Variants in PLG observed in about 807,000 individuals in gnomAD.
PLG encodes plasminogen.
Under a neutral mutation model 104.4 loss-of-function variants are expected in PLG, and 41 were observed. The observed-to-expected ratio is 0.39, with a 90% CI of 0.31 to 0.51. PLG has a LOEUF of 0.51. Ranked by LOEUF, PLG falls within the 20% of genes least tolerant of loss-of-function variation. The pLI is 0.76. For missense variants in PLG, 891 were observed against 1,003.6 expected, an observed-to-expected ratio of 0.89 and a Z score of 1.52; for synonymous variants, 337 against 357.1, an observed-to-expected ratio of 0.94 and a Z score of 0.63.
At chr6:160,706,596 A>C (rs547042354) in intron 2 of PLG, 54 bp downstream of exon 2, 2 of 1,523,630 alleles carry the variant, frequency 1.3e-6, no homozygotes, top group African/African-American at 2.7e-5. Context: ...GATGGCAAGT[A>C]ATTTACTCAC....
At position 160,732,526 on chromosome 6, in the gene PLG, C is replaced by T. The variant is rs764449463; in HGVS notation, c.1587+633C>T. On this transcript the variant is annotated intron_variant, in intron 12 of 18. Coordinates refer to ENST00000308192, the MANE Select transcript of PLG (RefSeq NM_000301.5). The surrounding 1 kb of genome is among the most constrained non-coding windows in gnomAD (Gnocchi z 4.5). ...TCAGTGCTGACACTCTATCTGGAGACAGTGTCAGATCCCATAAGTTAAGGC... is the reference window on the plus strand; with the variant it reads ...TCAGTGCTGACACTCTATCTGGAGATAGTGTCAGATCCCATAAGTTAAGGC... Among the ~76,000 whole-genome samples the T allele has an allele frequency of 6.6e-5, 10 of 152,140 alleles. No homozygotes were observed. Among genetic ancestry groups the T allele is most frequent in the Non-Finnish European group, 1.3e-4 (9 of 68,028 alleles).
At chr6:160,710,801 C>T (rs772577846) in intron 3 of PLG, among the ~76,000 whole-genome samples, 3 of 152,160 alleles carry the variant, frequency 2.0e-5, no homozygotes, top group Admixed American at 6.5e-5. Flanking sequence ...ATGTAAGCTC[C>T]ATGACGGCCA....
In PLG at chr6:160,718,789, A is replaced by G. The variant is rs535713437; in HGVS notation, c.1047A>G (p.Ile349Met). The change falls in exon 9 of 19, where the codon ATA becomes ATG. Residue 349 changes from isoleucine (I) to methionine (M), a missense_variant. By Grantham distance (10) the Ile-to-Met change is conservative (BLOSUM62 1). Coordinates refer to ENST00000308192, the MANE Select transcript of PLG (RefSeq NM_000301.5). Reference sequence around the variant, plus strand: ...AAGTGCGGTGGGAGTACTGTAAGATACCGTCCTGTGACTCCTCCCCAGTAT... The same window carrying G: ...AAGTGCGGTGGGAGTACTGTAAGATGCCGTCCTGTGACTCCTCCCCAGTAT... ...NSQVRWEYCK[I>M]PSCDSSPVST... is the part of the protein sequence containing the mutation. 6.8e-6 allele frequency: 11 copies of G among 1,613,602 alleles called. No homozygotes were observed. In the African/African-American group the frequency reaches 1.5e-4, roughly 22 times the overall value.
In PLG at chr6:160,731,628, C is replaced by T; in HGVS notation, c.1439-117C>T. The T allele has an allele frequency of 1.0e-6, 1 of 976,038 alleles. No individual in the cohort carries two copies. The highest frequency in any genetic ancestry group is 2.4e-5 in the East Asian group (1 of 41,720). 60.5% of individuals were successfully genotyped at this position (976,038 alleles called of 1,614,324 possible). ...ATTGCAGTCTTCAGCATTGCAGTTT[C>T]TGAGGAATGTGGCCCCTGATTCTGT... is the stretch of plus-strand genomic sequence containing the variant. On this transcript the variant is annotated intron_variant, in intron 11 of 18. Transcript: ENST00000308192. The surrounding 1 kb of genome is among the most constrained non-coding windows in gnomAD (Gnocchi z 5.1).
At chr6:160,713,884 A>C (rs1777688661) in intron 5 of PLG, among the ~76,000 whole-genome samples, 1 of 152,202 alleles carries the variant, frequency 6.6e-6, no homozygotes, top group Non-Finnish European at 1.5e-5. Flanking sequence ...ATTTTAAAAA[A>C]ATCCTACTGA....
In PLG at chr6:160,724,311, G is replaced by C. The variant is rs1447852098; in HGVS notation, c.1256+1744G>C. ...AAATAGAAATTAAATAACTAAAAAA[G>C]TGCATGTTTAATGAAAAATGTACTG... is the stretch of plus-strand genomic sequence containing the variant. On this transcript the variant is annotated intron_variant, in intron 10 of 18. Coordinates refer to ENST00000308192, the MANE Select transcript of PLG (RefSeq NM_000301.5). This position sits in a 1 kb window ranked among gnomAD's most constrained non-coding sequence, Gnocchi z 5.0. Among the ~76,000 whole-genome samples the C allele has an allele frequency of 6.6e-6, 1 of 152,024 alleles. No individual in the cohort carries two copies. Among genetic ancestry groups the C allele is most frequent in the Non-Finnish European group, 1.5e-5 (1 of 68,002 alleles).
chr6:160,720,708 C>T (rs190381942), intron 9 of PLG, among the ~76,000 whole-genome samples: 99 of 152,146 alleles, frequency 6.5e-4, no homozygotes, highest in Non-Finnish European at 1.3e-3. Flanking sequence ...TGTGAGCAAC[C>T]GTGCCCAGCC....
intron 10 of PLG, among the ~76,000 whole-genome samples, chr6:160,729,799 A>G (rs1416923389): frequency 6.6e-6 from 1 of 152,202 alleles, no homozygotes; most frequent in African/African-American, 2.4e-5. Flanking sequence ...TCTGTATCAT[A>G]TGGGAGTGTG....
At chr6:160,709,167 A>G (rs531213109) in intron 3 of PLG, among the ~76,000 whole-genome samples, 7 of 152,260 alleles carry the variant, frequency 4.6e-5, no homozygotes, top group African/African-American at 9.6e-5. Context: ...TGATGGGTAC[A>G]TACAAAAAAA....
At chr6:160,714,163 C>T (rs1164681367) in intron 5 of PLG, among the ~76,000 whole-genome samples, 1 of 152,182 alleles carries the variant, frequency 6.6e-6, no homozygotes, top group Non-Finnish European at 1.5e-5. Flanking sequence ...TCTGCCTCAC[C>T]ATGTTACTTC....
chr6:160,752,043 G>A lies in PLG; in HGVS notation c.2126-72G>A. The A allele has an allele frequency of 1.5e-6, 2 of 1,362,432 alleles. No individual in the cohort carries two copies. Among genetic ancestry groups the A allele is most frequent in the Non-Finnish European group, 2.1e-6 (2 of 955,768 alleles). The allele number at this position is 1,362,432 out of a possible 1,614,324, so 84.4% of individuals were successfully genotyped here. On this transcript the variant is annotated intron_variant, in intron 17 of 18. Coordinates refer to ENST00000308192, the MANE Select transcript of PLG (RefSeq NM_000301.5). This position sits in a 1 kb window ranked among gnomAD's most constrained non-coding sequence, Gnocchi z 4.7. ...CACAGACAGGAGGTCCAGTGCCGCTGCTCTGTTCTGGAATATCCTCCTGAA... is the reference window on the plus strand; with the variant it reads ...CACAGACAGGAGGTCCAGTGCCGCTACTCTGTTCTGGAATATCCTCCTGAA...
chr6:160,703,147 A>G (rs1164970737), intron 1 of PLG, among the ~76,000 whole-genome samples: 4 of 152,196 alleles, frequency 2.6e-5, no homozygotes, highest in Admixed American at 2.0e-4. Context: ...AGATCTGGGA[A>G]ATAAAGAAAA....
rs1778109690 is a variant in PLG at position 160,737,674 on chromosome 6, G to A, written c.1802+667G>A. On this transcript the variant is annotated intron_variant, in intron 14 of 18. Transcript: ENST00000308192. This position sits in a 1 kb window ranked among gnomAD's most constrained non-coding sequence, Gnocchi z 4.7. ...ACAGGCCCATCCGTCTGCCTGTTTT[G>A]CTTCCTCATCTCACTTCTACACGAG... Among the ~76,000 whole-genome samples, 1 of 152,152 alleles carries A rather than the reference G, an allele frequency of 6.6e-6. No homozygotes were observed. Among genetic ancestry groups the A allele is most frequent in the Non-Finnish European group, 1.5e-5 (1 of 68,036 alleles).
intron 8 of PLG, 73 bp from the exon 9 acceptor site, chr6:160,718,620 G>A (rs1777783039): frequency 6.6e-7 from 1 of 1,512,130 alleles, no homozygotes; most frequent in East Asian, 2.3e-5. Flanking sequence ...TCCCGTAACG[G>A]TTGTTCTCAA....
chr6:160,714,709 T>G, intron 5 of PLG, 85 bp from the exon 6 acceptor site: 1 of 1,363,562 alleles, frequency 7.3e-7, no homozygotes, highest in Non-Finnish European at 1.0e-6. Context: ...CTTAAGTGAG[T>G]AGGATTCTGG....
intron 17 of PLG, among the ~76,000 whole-genome samples, chr6:160,747,054 T>C (rs769716309): frequency 6.6e-6 from 1 of 152,242 alleles, no homozygotes; most frequent in Non-Finnish European, 1.5e-5. Flanking sequence ...ATTTTTCATG[T>C]GAAATTAGCC....
intron 1 of PLG, chr6:160,705,537 T>C (rs1303309252): frequency 6.6e-6 from 1 of 152,240 alleles, no homozygotes; most frequent in Non-Finnish European, 1.5e-5. Flanking sequence ...ATAAGCCCAG[T>C]ACAAAAATGG....
chr6:160,747,884 T>A (rs892792223), intron 17 of PLG, among the ~76,000 whole-genome samples: 1 of 152,214 alleles, frequency 6.6e-6, no homozygotes, highest in Non-Finnish European at 1.5e-5. Flanking sequence ...CAAACCTCTA[T>A]GAATTACATA....
chr6:160,721,902 C>T (rs920580173), intron 9 of PLG, among the ~76,000 whole-genome samples: 1 of 152,176 alleles, frequency 6.6e-6, no homozygotes, highest in South Asian at 2.1e-4. Flanking sequence ...AGATTTTTGC[C>T]TCCACCACTC....
Sources: gnomAD v4.1 joint callset for allele counts (sites outside exome capture counted in the v4.1 genomes callset) on GRCh38, gnomAD v4.1.1 for gene constraint, Gnocchi (gnomAD v3.1) non-coding constraint, MANE v1.5 for transcripts, NCBI Gene and HGNC (gene_info 2026-07-23, HGNC 2026-07-21) for gene names.